NIM1K: variants seen among roughly 807,000 people sequenced by gnomAD.
NIM1K encodes NIM1 serine/threonine protein kinase.
NIM1K carries 35 observed loss-of-function variants against 37.1 expected under a neutral mutation model. The observed-to-expected ratio is 0.94, with a 90% CI of 0.72 to 1.25. The LOEUF is 1.25. NIM1K is among the 50% of genes most tolerant of loss of function. The probability of loss-of-function intolerance (pLI) is 0.00; values close to 1 mark genes in which losing one functional copy is unlikely to be tolerated. For missense variants in NIM1K, 564 were observed against 548.0 expected (o/e 1.03, Z -0.29); for synonymous variants, 234 against 206.6 (o/e 1.13, Z -1.14).
chr5:43,200,800 G>A (rs971884908), intron 1 of NIM1K, among the ~76,000 whole-genome samples: 2 of 152,180 alleles, frequency 1.3e-5, no homozygotes, highest in Non-Finnish European at 2.9e-5. Context: ...ACACCAAGGC[G>A]AGAGAAGTAA....
intron 1 of NIM1K, chr5:43,232,549 G>A: frequency 6.3e-7 from 1 of 1,578,092 alleles, no homozygotes; most frequent in South Asian, 1.1e-5. Context: ...ATCATAAGTG[G>A]CCTCATTGTC....
chr5:43,232,209 C>T (rs11747314), intron 1 of NIM1K: 165,425 of 990,342 alleles, frequency 0.17, 15,301 homozygotes, highest in Admixed American at 0.22. Context: ...AGAACCATGT[C>T]ACCACGGTAA....
chr5:43,197,114 AG>A (rs1751929763), intron 1 of NIM1K, among the ~76,000 whole-genome samples: 2 of 146,824 alleles, frequency 1.4e-5, no homozygotes, highest in African/African-American at 2.5e-5. Flanking sequence ...AATTTTGGAC[AG>A]AATCTATTGA....
At chr5:43,211,376 A>T (rs1752201964) in intron 1 of NIM1K, among the ~76,000 whole-genome samples, 3 of 152,132 alleles carry the variant, frequency 2.0e-5, no homozygotes, top group Admixed American at 2.0e-4. Flanking sequence ...TGTAGTGGGG[A>T]AGAAAAAACA....
At chr5:43,264,028 GCTTTA>G (rs1753079581) in intron 2 of NIM1K, among the ~76,000 whole-genome samples, 1 of 152,192 alleles carries the variant, frequency 6.6e-6, no homozygotes, top group Admixed American at 6.5e-5. Context: ...GCTGAGGAGT[GCTTTA>G]CTTCCAACTA....
At chr5:43,220,293 C>CT (rs70994613) in intron 1 of NIM1K, among the ~76,000 whole-genome samples, 54,986 of 130,342 alleles carry the variant, frequency 0.42, 12,645 homozygotes, top group Non-Finnish European at 0.5. Context: ...GTGGGTATCT[C>CT]TTTTTTTTTT....
Position 43,257,064 on chromosome 5 carries a change from T to C in NIM1K, c.292+10997T>C, listed in dbSNP as rs546257792. Among the ~76,000 whole-genome samples the C allele has an allele frequency of 2.0e-3, 297 of 151,518 alleles. 1 individual carries two copies. Among genetic ancestry groups the C allele is most frequent in the African/African-American group, 6.9e-3 (286 of 41,430 alleles). On this transcript the variant is annotated intron_variant, in intron 2 of 3. Transcript: ENST00000326035. ...AGAGAAGAGGTCTAAGAACTAAGCCTTCAGGTATCCAGCATTGAAAAGGAG... is the reference window on the plus strand; with the variant it reads ...AGAGAAGAGGTCTAAGAACTAAGCCCTCAGGTATCCAGCATTGAAAAGGAG...
At chr5:43,252,391 G>A (rs903935749) in intron 2 of NIM1K, among the ~76,000 whole-genome samples, 3 of 151,948 alleles carry the variant, frequency 2.0e-5, no homozygotes, top group Non-Finnish European at 4.4e-5. Context: ...GTGCAAAAAG[G>A]GACAGGAAAA....
chr5:43,253,683 G>A (rs114930692), intron 2 of NIM1K, among the ~76,000 whole-genome samples: 290 of 149,588 alleles, frequency 1.9e-3, no homozygotes, highest in African/African-American at 5.9e-3. Context: ...TTTTTGAGAC[G>A]GAGTCTTGCC....
At chr5:43,232,464 A>T in intron 1 of NIM1K, 2 of 1,496,274 alleles carry the variant, frequency 1.3e-6, no homozygotes, top group East Asian at 4.5e-5. Context: ...GCAGTGATGG[A>T]GGACACAATT....
chr5:43,268,282 T>G (rs556263506), intron 2 of NIM1K, among the ~76,000 whole-genome samples: 122 of 152,320 alleles, frequency 8.0e-4, no homozygotes, highest in African/African-American at 2.7e-3. Context: ...AGTGTTTAAT[T>G]GATGCAAGGC....
chr5:43,227,137 G>T (rs971693080), intron 1 of NIM1K, among the ~76,000 whole-genome samples: 1 of 152,158 alleles, frequency 6.6e-6, no homozygotes, highest in African/African-American at 2.4e-5. Context: ...GAGGAAGGCG[G>T]ATCACCTGAG....
chr5:43,243,966 T>C (rs1752741234), intron 1 of NIM1K, among the ~76,000 whole-genome samples: 1 of 152,236 alleles, frequency 6.6e-6, no homozygotes, highest in African/African-American at 2.4e-5. Flanking sequence ...TACTGATACC[T>C]GGTCCCTTTT....
intron 1 of NIM1K, among the ~76,000 whole-genome samples, chr5:43,238,944 A>G (rs1441599637): frequency 1.0e-5 from 1 of 100,340 alleles, no homozygotes; most frequent in Non-Finnish European, 1.8e-5. Flanking sequence ...ATCTTTGAGG[A>G]GGGAAAGGCT....
At chr5:43,247,671 C>A (rs758952554) in intron 2 of NIM1K, among the ~76,000 whole-genome samples, 3 of 152,214 alleles carry the variant, frequency 2.0e-5, no homozygotes, top group Non-Finnish European at 4.4e-5. Context: ...GTGATTCTAA[C>A]TAACAACATG....
intron 1 of NIM1K, among the ~76,000 whole-genome samples, chr5:43,222,780 T>C (rs1752399464): frequency 6.6e-6 from 1 of 151,944 alleles, no homozygotes; most frequent in South Asian, 2.1e-4. Context: ...TGTAGCAGGC[T>C]AGAGACAGCA....
chr5:43,256,769 T>C (rs2112277749), intron 2 of NIM1K, among the ~76,000 whole-genome samples: 2 of 152,324 alleles, frequency 1.3e-5, no homozygotes, highest in East Asian at 3.9e-4. Flanking sequence ...AATGTATAAA[T>C]ACTCCAGTTC....
chr5:43,276,363 G>A (rs1043209189), intron 2 of NIM1K, among the ~76,000 whole-genome samples: 3 of 152,228 alleles, frequency 2.0e-5, no homozygotes, highest in Non-Finnish European at 4.4e-5. Context: ...GGGGGAACAT[G>A]CCACAAGATC....
chr5:43,242,226 G>C (rs1229168904), intron 1 of NIM1K, among the ~76,000 whole-genome samples: 1 of 151,942 alleles, frequency 6.6e-6, no homozygotes, highest in Non-Finnish European at 1.5e-5. Flanking sequence ...GAATTGGGAA[G>C]GGAGGGAGAG....
Sources: allele counts gnomAD v4.1 joint callset (sites outside exome capture counted in the v4.1 genomes callset), GRCh38; gene constraint gnomAD v4.1.1; transcripts MANE v1.5; gene names NCBI Gene and HGNC (gene_info 2026-07-23, HGNC 2026-07-21).